ANKH: variants seen among roughly 807,000 people sequenced by gnomAD.
ANKH encodes the protein ANKH inorganic pyrophosphate transport regulator, also known as mineralization regulator ANKH.
Under a neutral mutation model 49.0 loss-of-function variants are expected in ANKH, and 15 were observed. The ratio of observed to expected loss-of-function variants is 0.31; its 90% CI spans 0.20 to 0.47. The LOEUF (loss-of-function observed/expected upper bound fraction) is 0.47. ANKH is among the 20% of genes least tolerant of loss of function. The pLI, the probability that ANKH is intolerant of heterozygous loss-of-function variation, is 1.00. For missense variants in ANKH, 429 were observed against 652.0 expected (o/e 0.66, Z 3.72); for synonymous variants, 273 against 260.0 (o/e 1.05, Z -0.48).
chr5:14,746,748 G>A (rs989762037), intron 6 of ANKH, among the ~76,000 whole-genome samples: 2 of 152,206 alleles, frequency 1.3e-5, no homozygotes, highest in African/African-American at 2.4e-5. Context: ...ACCCAGGAAT[G>A]AACAAGGACA....
chr5:14,816,226 A>C (rs531827243), intron 1 of ANKH, among the ~76,000 whole-genome samples: 1 of 152,372 alleles, frequency 6.6e-6, no homozygotes, highest in African/African-American at 2.4e-5. Context: ...TCATTGTCTT[A>C]GGACAGGACA....
At chr5:14,764,686 T>C (rs1739203295) in intron 2 of ANKH, among the ~76,000 whole-genome samples, 1 of 152,222 alleles carries the variant, frequency 6.6e-6, no homozygotes, top group African/African-American at 2.4e-5. Flanking sequence ...AGCACCCTCG[T>C]TGGTTTAAAT....
intron 1 of ANKH, among the ~76,000 whole-genome samples, chr5:14,849,675 A>G (rs1468233767): frequency 2.0e-5 from 3 of 152,206 alleles, no homozygotes; most frequent in East Asian, 1.9e-4. Flanking sequence ...ATAAAATCAC[A>G]AAGTCTTCTC....
intron 8 of ANKH, among the ~76,000 whole-genome samples, chr5:14,735,807 T>C (rs935902259): frequency 1.3e-5 from 2 of 152,102 alleles, no homozygotes; most frequent in African/African-American, 4.8e-5. Context: ...CAGAACCTCA[T>C]CTTAACCCTA....
intron 3 of ANKH, among the ~76,000 whole-genome samples, chr5:14,757,071 G>A (rs1738909556): frequency 6.6e-6 from 1 of 152,156 alleles, no homozygotes; most frequent in Non-Finnish European, 1.5e-5. Context: ...CCGTATAACT[G>A]TAATTCTTCT....
intron 1 of ANKH, among the ~76,000 whole-genome samples, chr5:14,786,494 A>T (rs1283625481): frequency 6.6e-6 from 1 of 152,212 alleles, no homozygotes; most frequent in Admixed American, 6.5e-5. Context: ...GATAGAGGAG[A>T]CTAGTGAGGG....
intron 1 of ANKH, among the ~76,000 whole-genome samples, chr5:14,802,026 T>C (rs779532743): frequency 2.0e-5 from 3 of 152,190 alleles, no homozygotes. Flanking sequence ...ATCTCTCATC[T>C]ACTCCTGCAG....
At chr5:14,787,749 AC>A (rs1326764629) in intron 1 of ANKH, among the ~76,000 whole-genome samples, 1 of 152,196 alleles carries the variant, frequency 6.6e-6, no homozygotes, top group African/African-American at 2.4e-5. Flanking sequence ...TTGAGTAATC[AC>A]CTGTGATAGT....
intron 1 of ANKH, among the ~76,000 whole-genome samples, chr5:14,834,045 C>T (rs893784759): frequency 5.9e-5 from 9 of 152,118 alleles, no homozygotes; most frequent in Non-Finnish European, 1.3e-4. Flanking sequence ...GGCTCACCTT[C>T]CACAAAATCC....
chr5:14,723,090 C>T (rs1356167846), intron 8 of ANKH, among the ~76,000 whole-genome samples: 2 of 152,128 alleles, frequency 1.3e-5, no homozygotes, highest in Non-Finnish European at 2.9e-5. Flanking sequence ...CTAAAACTCT[C>T]AGAGACCAGA....
chr5:14,792,813 A>G (rs1380001726), intron 1 of ANKH, among the ~76,000 whole-genome samples: 1 of 150,624 alleles, frequency 6.6e-6, no homozygotes, highest in Non-Finnish European at 1.5e-5. Flanking sequence ...TGCCTCTACT[A>G]AAAATACAAA....
chr5:14,713,614 C>A lies in ANKH; in HGVS notation c.1195G>T (p.Val399Phe). 1.9e-6 allele frequency: 3 copies of A among 1,614,200 alleles called. No homozygotes were observed. Among genetic ancestry groups the A allele is most frequent in the Non-Finnish European group, 2.5e-6 (3 of 1,180,044 alleles). Residue 399 changes from valine to phenylalanine, a missense_variant, in exon 10 of 12, where the codon GTC (valine) becomes TTC (phenylalanine). Around this residue, in one of 2 missense-constraint regions of ANKH, gnomAD observed 378 missense variants for 615.3 expected, o/e 0.61. Coordinates refer to ENST00000284268, the MANE Select transcript of ANKH (RefSeq NM_054027.6). The surrounding 1 kb of genome is among the most constrained non-coding windows in gnomAD (Gnocchi z 4.4). ...GWLMTLKKTF[V>F]LAPSSVLRII... Reference sequence around the variant, plus strand: ...CGCAGCACAGAGCTGGGGGCAAGGACGAAGGTTTTCTTCAGTGTCATCAGC... The same window carrying A: ...CGCAGCACAGAGCTGGGGGCAAGGAAGAAGGTTTTCTTCAGTGTCATCAGC...
intron 1 of ANKH, among the ~76,000 whole-genome samples, chr5:14,854,951 C>T (rs769550036): frequency 2.6e-5 from 4 of 152,126 alleles, no homozygotes; most frequent in Admixed American, 2.6e-4. Context: ...TCTGAGCACA[C>T]CACACCCTAC....
intron 1 of ANKH, among the ~76,000 whole-genome samples, chr5:14,848,313 G>A (rs901416826): frequency 6.6e-6 from 1 of 152,198 alleles, no homozygotes; most frequent in Non-Finnish European, 1.5e-5. Context: ...GCTAAAAGCA[G>A]GAGGTAAAGA....
intron 1 of ANKH, among the ~76,000 whole-genome samples, chr5:14,858,650 G>A (rs112234727): frequency 0.23 from 34,554 of 151,396 alleles, 5,306 homozygotes; most frequent in African/African-American, 0.44. Flanking sequence ...CAGGAGGCGG[G>A]GGTTGCAGTG....
In ANKH at chr5:14,794,393, C is replaced by T. The variant is rs114869047; in HGVS notation, c.97-25202G>A. On this transcript the variant is annotated intron_variant, in intron 1 of 11. Transcript: ENST00000284268. The stretch of plus-strand genomic sequence containing the variant: ...TGCAGAGAGGGGCCCTGGCCGTGAA[C>T]GTGGGCTAAAGACAGCTCGGGGAGC... Among the ~76,000 whole-genome samples the T allele has an allele frequency of 5.3e-3, 806 of 152,330 alleles. 7 individuals carry two copies. The highest frequency in any genetic ancestry group is 0.019 in the African/African-American group (779 of 41,574).
Position 14,871,409 on chromosome 5 carries a change from C to G in ANKH, c.39G>C (p.Leu13=), listed in dbSNP as rs748751320. 8 of 1,613,418 alleles carry G rather than the reference C, an allele frequency of 5.0e-6. No individual in the cohort carries two copies. Among genetic ancestry groups the G allele is most frequent in the Non-Finnish European group, 6.8e-6 (8 of 1,179,772 alleles). The part of the protein sequence containing the change: ...KFPALTHYWP[L]IRFLVPLGIT... ...TGCCCAGGGGCACCAAGAACCGGAT[C>G]AGGGGCCAGTAGTGCGTGAGCGCCG... Residue 13 remains leucine, a synonymous_variant, in exon 1 of 12, where the codon CTG becomes CTC. Coordinates refer to ENST00000284268, the MANE Select transcript of ANKH (RefSeq NM_054027.6).
chr5:14,820,585 C>A lies in ANKH; in HGVS notation c.96+50767G>T, dbSNP rs139236525. Among the ~76,000 whole-genome samples the A allele has an allele frequency of 1.3e-3, 192 of 152,280 alleles. 2 individuals are homozygous for A. Among genetic ancestry groups the A allele is most frequent in the African/African-American group, 4.6e-3 (190 of 41,552 alleles). On this transcript the variant is annotated intron_variant, in intron 1 of 11. Transcript: ENST00000284268. ...AGGATTCTTGCTGAGGGCAGGCCAACGGCCCAACATCAAGGGTGGGGAAAT... is the reference window on the plus strand; with the variant it reads ...AGGATTCTTGCTGAGGGCAGGCCAAAGGCCCAACATCAAGGGTGGGGAAAT...
At position 14,711,027 on chromosome 5, in the gene ANKH, G is replaced by A. The variant is rs1737163606; in HGVS notation, c.*170C>T. ...ATTCACTAGGTCCCCCCGTCAGTGT[G>A]AGCATACCCAGTATGCTAGAGAATT... On this transcript the variant is annotated 3_prime_UTR_variant, in exon 12 of 12. Coordinates refer to ENST00000284268, the MANE Select transcript of ANKH (RefSeq NM_054027.6). The A allele has an allele frequency of 4.4e-6, 3 of 688,796 alleles. No individual in the cohort carries two copies. Among genetic ancestry groups the A allele is most frequent in the Non-Finnish European group, 7.9e-6 (3 of 378,738 alleles). 42.7% of individuals were successfully genotyped at this position (688,796 alleles called of 1,614,324 possible). A position where few individuals can be genotyped will look rare whatever the true frequency, so the allele number is the denominator to read the frequency against.
Sources: gnomAD v4.1 joint callset for allele counts (sites outside exome capture counted in the v4.1 genomes callset) on GRCh38, gnomAD v4.1.1 for gene constraint, gnomAD v4.1.1 regional missense constraint, Gnocchi (gnomAD v3.1) non-coding constraint, MANE v1.5 for transcripts, NCBI Gene and HGNC (gene_info 2026-07-23, HGNC 2026-07-21) for gene names.